CNTN3: variants seen among roughly 807,000 people sequenced by gnomAD.
The protein encoded by CNTN3 is contactin-3.
Under a neutral mutation model 119.1 loss-of-function variants are expected in CNTN3, and 60 were observed. The ratio of observed to expected loss-of-function variants is 0.50; its 90% CI spans 0.41 to 0.62. The LOEUF (loss-of-function observed/expected upper bound fraction) is 0.62. Among genes scored for constraint, CNTN3 ranks in the 20% least tolerant of loss-of-function variants. The pLI is 0.00. For missense variants in CNTN3, 1,101 were observed against 1,242.4 expected (o/e 0.89, Z 1.71); for synonymous variants, 450 against 438.7 (o/e 1.03, Z -0.32).
chr3:74,353,532 G>A (rs572642103), intron 11 of CNTN3, among the ~76,000 whole-genome samples: 1 of 152,308 alleles, frequency 6.6e-6, no homozygotes, highest in East Asian at 1.9e-4. Context: ...CGAGACGGGT[G>A]GATCACGAGG....
At chr3:74,400,793 G>C (rs1420334132) in intron 5 of CNTN3, among the ~76,000 whole-genome samples, 4 of 152,074 alleles carry the variant, frequency 2.6e-5, no homozygotes. Context: ...AGTTACAAAG[G>C]TATTTATATA....
At chr3:74,526,268 A>T (rs1703617967) in intron 1 of CNTN3, among the ~76,000 whole-genome samples, 1 of 151,848 alleles carries the variant, frequency 6.6e-6, no homozygotes, top group Non-Finnish European at 1.5e-5. Context: ...AAAATATTCA[A>T]TTATTAGTGG....
chr3:74,469,414 T>A (rs919905455), intron 4 of CNTN3, among the ~76,000 whole-genome samples: 1 of 152,136 alleles, frequency 6.6e-6, no homozygotes, highest in Non-Finnish European at 1.5e-5. Flanking sequence ...CAAAAACTCA[T>A]CAGACCCACA....
At chr3:74,563,502 A>C (rs1021056721) in intron 1 of CNTN3, among the ~76,000 whole-genome samples, 2 of 152,166 alleles carry the variant, frequency 1.3e-5, no homozygotes, top group Non-Finnish European at 2.9e-5. Context: ...AGTGGGCTTT[A>C]GCATTCTATC....
chr3:74,392,390 C>T (rs2106831502), intron 5 of CNTN3, among the ~76,000 whole-genome samples: 1 of 151,770 alleles, frequency 6.6e-6, no homozygotes, highest in Admixed American at 6.6e-5. Context: ...TTCCCTCCCT[C>T]CCTCCCTTCC....
intron 5 of CNTN3, among the ~76,000 whole-genome samples, chr3:74,408,557 T>C (rs1701381518): frequency 6.6e-6 from 1 of 152,178 alleles, no homozygotes; most frequent in Non-Finnish European, 1.5e-5. Context: ...TTTGGATCCT[T>C]GTCAATGCAT....
intron 4 of CNTN3, among the ~76,000 whole-genome samples, chr3:74,426,387 A>C (rs1350336804): frequency 1.3e-5 from 2 of 152,180 alleles, no homozygotes; most frequent in African/African-American, 4.8e-5. Context: ...TGTATTTTAG[A>C]ATACAACTTG....
intron 5 of CNTN3, among the ~76,000 whole-genome samples, chr3:74,382,458 G>A (rs371842025): frequency 7.9e-5 from 12 of 151,978 alleles, no homozygotes; most frequent in South Asian, 4.2e-4. Flanking sequence ...TCAAAAACAC[G>A]TCCCTCCTAT....
intron 13 of CNTN3, among the ~76,000 whole-genome samples, chr3:74,305,163 T>A (rs1455016283): frequency 6.6e-6 from 1 of 152,244 alleles, no homozygotes; most frequent in Non-Finnish European, 1.5e-5. Context: ...AAACAAGTTA[T>A]GTTTACAAAT....
intron 11 of CNTN3, among the ~76,000 whole-genome samples, chr3:74,343,333 AGG>A (rs1559555603): frequency 6.6e-6 from 1 of 152,198 alleles, no homozygotes; most frequent in Non-Finnish European, 1.5e-5. Flanking sequence ...AAGAGAAAGA[AGG>A]GGAAAAGTTG....
At chr3:74,460,244 A>G (rs1702340485) in intron 4 of CNTN3, among the ~76,000 whole-genome samples, 1 of 152,028 alleles carries the variant, frequency 6.6e-6, no homozygotes, top group Non-Finnish European at 1.5e-5. Context: ...TTACAGTCTG[A>G]GCCTTTCTAT....
chr3:74,264,343 A>T lies in CNTN3; in HGVS notation c.*58T>A. The stretch of plus-strand genomic sequence containing the variant: ...ACATGCATAATCACTGCATTTCATG[A>T]AAGCACTTTTTTTGGTAACCAAATA... On this transcript the variant is annotated 3_prime_UTR_variant, in exon 23 of 23. Coordinates refer to ENST00000263665, the MANE Select transcript of CNTN3 (RefSeq NM_020872.3). 1 of 933,372 alleles carries T rather than the reference A, an allele frequency of 1.1e-6. No individual in the cohort carries two copies. Among genetic ancestry groups the T allele is most frequent in the Non-Finnish European group, 1.5e-6 (1 of 658,840 alleles). 57.8% of individuals were successfully genotyped at this position (933,372 alleles called of 1,614,324 possible). A position where few individuals can be genotyped will look rare whatever the true frequency, so the allele number is the denominator to read the frequency against.
At chr3:74,288,893 T>C (rs1702172450) in intron 19 of CNTN3, among the ~76,000 whole-genome samples, 1 of 152,156 alleles carries the variant, frequency 6.6e-6, no homozygotes, top group African/African-American at 2.4e-5. Flanking sequence ...GCTTAGCTGA[T>C]GAAATAAATT....
chr3:74,473,776 G>A (rs905797324), intron 4 of CNTN3, among the ~76,000 whole-genome samples: 19 of 152,292 alleles, frequency 1.2e-4, no homozygotes, highest in African/African-American at 4.6e-4. Flanking sequence ...CCTGATGATG[G>A]AGCAAACTGT....
At chr3:74,556,391 G>A (rs1032518914) in intron 1 of CNTN3, among the ~76,000 whole-genome samples, 1 of 151,978 alleles carries the variant, frequency 6.6e-6, no homozygotes, top group African/African-American at 2.4e-5. Flanking sequence ...CATATAAATG[G>A]AATCATAAAA....
rs138862496 is a variant in CNTN3 at position 74,390,199 on chromosome 3, G to C, written c.455-18800C>G. 4.9e-3 allele frequency among the ~76,000 whole-genome samples: 742 copies of C among 152,274 alleles called. 8 individuals are homozygous for C. The highest frequency in any genetic ancestry group is 0.017 in the Middle Eastern group (5 of 294). On this transcript the variant is annotated intron_variant, in intron 5 of 22. Coordinates refer to ENST00000263665, the MANE Select transcript of CNTN3 (RefSeq NM_020872.3). Reference sequence around the variant, plus strand: ...AAGCATTACTCCAACAGTTGACTTAGGGCTCTAATAGACCTAGATTCCCAA... The same window carrying C: ...AAGCATTACTCCAACAGTTGACTTACGGCTCTAATAGACCTAGATTCCCAA...
chr3:74,378,154 G>T (rs758260600), intron 5 of CNTN3, among the ~76,000 whole-genome samples: 2 of 152,220 alleles, frequency 1.3e-5, no homozygotes, highest in Admixed American at 1.3e-4. Context: ...ATCAGGAAGA[G>T]AATTTTGCTC....
chr3:74,277,170 C>A (rs1412711459), intron 20 of CNTN3, among the ~76,000 whole-genome samples: 1 of 152,012 alleles, frequency 6.6e-6, no homozygotes, highest in East Asian at 1.9e-4. Flanking sequence ...AGTTCAGGAG[C>A]AGAAGGATTC....
At chr3:74,374,182 T>G (rs890435755) in intron 5 of CNTN3, among the ~76,000 whole-genome samples, 2 of 152,114 alleles carry the variant, frequency 1.3e-5, no homozygotes, top group Non-Finnish European at 2.9e-5. Flanking sequence ...TCTGACATTC[T>G]TCCTAAGCAA....
Sources: allele counts gnomAD v4.1 joint callset (sites outside exome capture counted in the v4.1 genomes callset), GRCh38; gene constraint gnomAD v4.1.1; transcripts MANE v1.5; gene names NCBI Gene and HGNC (gene_info 2026-07-23, HGNC 2026-07-21).